ROCK1: variants seen among roughly 807,000 people sequenced by gnomAD.
The protein encoded by ROCK1 is Rho associated coiled-coil containing protein kinase 1, also known as rho-associated protein kinase 1.
In ROCK1, 36 loss-of-function variants were observed where a neutral mutation model predicts 196.8. That is an observed-to-expected ratio of 0.18 (90% CI 0.14 to 0.24). The LOEUF (loss-of-function observed/expected upper bound fraction) is 0.24. Among genes scored for constraint, ROCK1 ranks in the 10% least tolerant of loss-of-function variants. The probability of loss-of-function intolerance (pLI) is 1.00; values close to 1 mark genes in which losing one functional copy is unlikely to be tolerated. For missense variants in ROCK1, 920 were observed against 1,562.0 expected (o/e 0.59, Z 6.93); for synonymous variants, 443 against 515.9 (o/e 0.86, Z 1.91).
chr18:21,047,386 T>C (rs2036169321), intron 4 of ROCK1, among the ~76,000 whole-genome samples: 1 of 152,056 alleles, frequency 6.6e-6, no homozygotes, highest in African/African-American at 2.4e-5. Flanking sequence ...ACTGAAATAA[T>C]ATAAAGGATA....
At chr18:21,040,809 A>G (rs2036099137) in intron 8 of ROCK1, among the ~76,000 whole-genome samples, 1 of 152,196 alleles carries the variant, frequency 6.6e-6, no homozygotes, top group Non-Finnish European at 1.5e-5. Context: ...AATAAACAGC[A>G]TAATACAATG....
chr18:21,103,606 G>A (rs1020646909), intron 1 of ROCK1, among the ~76,000 whole-genome samples: 1 of 151,862 alleles, frequency 6.6e-6, no homozygotes, highest in African/African-American at 2.4e-5. Context: ...CTACACCCAG[G>A]TAATATTTTT....
intron 2 of ROCK1, among the ~76,000 whole-genome samples, chr18:21,056,434 T>C (rs2036245640): frequency 6.6e-6 from 1 of 152,186 alleles, no homozygotes; most frequent in South Asian, 2.1e-4. Context: ...CCTTTTTTTC[T>C]TACACTCCAC....
At chr18:20,958,157 G>C (rs2035264818) in intron 29 of ROCK1, among the ~76,000 whole-genome samples, 1 of 152,074 alleles carries the variant, frequency 6.6e-6, no homozygotes, top group Non-Finnish European at 1.5e-5. Context: ...TTTCATACTA[G>C]TGTTTATGTA....
At chr18:20,990,105 G>GA (rs1238484014) in intron 18 of ROCK1, among the ~76,000 whole-genome samples, 3 of 151,360 alleles carry the variant, frequency 2.0e-5, no homozygotes, top group Admixed American at 2.0e-4. Flanking sequence ...TTTAAAAATT[G>GA]AAAAAAAATT....
intron 2 of ROCK1, among the ~76,000 whole-genome samples, chr18:21,056,857 C>T (rs1218354362): frequency 1.3e-5 from 2 of 152,146 alleles, no homozygotes; most frequent in East Asian, 3.8e-4. Flanking sequence ...CACTCTCCTC[C>T]CTTCAGGCCT....
chr18:21,110,795 CAA>C (rs373944875), intron 1 of ROCK1, 21 bp downstream of exon 1: 6 of 1,598,078 alleles, frequency 3.8e-6, no homozygotes, highest in East Asian at 2.2e-5. Flanking sequence ...CCCAGACAAG[CAA>C]AAGAGAACAG....
At chr18:21,034,541 G>A (rs2036040133) in intron 9 of ROCK1, among the ~76,000 whole-genome samples, 1 of 152,176 alleles carries the variant, frequency 6.6e-6, no homozygotes. Context: ...AACTTTCAAT[G>A]CAGGGAAAGG....
At chr18:21,081,378 T>C (rs559689353) in intron 1 of ROCK1, among the ~76,000 whole-genome samples, 3 of 152,084 alleles carry the variant, frequency 2.0e-5, no homozygotes, top group African/African-American at 7.2e-5. Context: ...AAGGAGGAAA[T>C]TTATAGCTAT....
chr18:20,975,194 G>A lies in ROCK1; in HGVS notation c.2655-4681C>T. Among the ~76,000 whole-genome samples, 2 of 152,204 alleles carry A rather than the reference G, an allele frequency of 1.3e-5. 1 individual carries two copies. Among genetic ancestry groups the A allele is most frequent in the Non-Finnish European group, 2.9e-5 (2 of 68,032 alleles). On this transcript the variant is annotated intron_variant, in intron 22 of 32. Coordinates refer to ENST00000399799, the MANE Select transcript of ROCK1 (RefSeq NM_005406.3). ...TGCAGAGAAAAATAAAATAGGGAAG[G>A]ATGAACTGGGCACCACGGTAGTGGG... is the stretch of plus-strand genomic sequence containing the variant.
Position 20,955,308 on chromosome 18 carries a change from A to G in ROCK1, c.3513-63T>C. The G allele has an allele frequency of 1.3e-5, 18 of 1,422,446 alleles. No individual in the cohort carries two copies. The South Asian group carries it at 1.4e-4, about 11-fold the overall frequency. The allele number at this position is 1,422,446 out of a possible 1,614,324, so 88.1% of individuals were successfully genotyped here. ...CATTTATTGTAAAAGACATTTCACT[A>G]AAGAGGACATATGGGTGATAAATAA... On this transcript the variant is annotated intron_variant, in intron 29 of 32. Transcript: ENST00000399799.
chr18:20,989,507 A>C (rs1332072333), intron 18 of ROCK1, among the ~76,000 whole-genome samples: 1 of 152,086 alleles, frequency 6.6e-6, no homozygotes, highest in East Asian at 1.9e-4. Context: ...ATATTTTTTA[A>C]TTTTTTTCTA....
intron 20 of ROCK1, among the ~76,000 whole-genome samples, chr18:20,984,095 G>A (rs113488222): frequency 8.5e-5 from 13 of 152,164 alleles, no homozygotes; most frequent in African/African-American, 2.7e-4. Flanking sequence ...ACAAGGCACC[G>A]TGATTTTTGT....
chr18:20,956,503 T>A (rs1341623489), intron 29 of ROCK1, among the ~76,000 whole-genome samples: 1 of 152,198 alleles, frequency 6.6e-6, no homozygotes, highest in African/African-American at 2.4e-5. Flanking sequence ...CTCTGTGGAA[T>A]TGATCCCAAA....
At chr18:21,056,515 T>A (rs946153207) in intron 2 of ROCK1, among the ~76,000 whole-genome samples, 1 of 152,154 alleles carries the variant, frequency 6.6e-6, no homozygotes, top group Admixed American at 6.5e-5. Context: ...CTTCTCACCC[T>A]CTACATTGCT....
Position 21,110,798 on chromosome 18 carries a change from A to G in ROCK1, c.93+20T>C, listed in dbSNP as rs2036744283. The G allele has an allele frequency of 6.2e-7, 1 of 1,602,600 alleles. No homozygotes were observed. Among genetic ancestry groups the G allele is most frequent in the Non-Finnish European group, 8.5e-7 (1 of 1,169,698 alleles). ...GACATGCAAAACCCCAGACAAGCAA[A>G]AGAGAACAGCGCTACTCACCAGCAA... On this transcript the variant is annotated intron_variant, in intron 1 of 32. Transcript: ENST00000399799.
intron 4 of ROCK1, among the ~76,000 whole-genome samples, chr18:21,047,389 A>G (rs2036169340): frequency 6.6e-6 from 1 of 152,194 alleles, no homozygotes; most frequent in Non-Finnish European, 1.5e-5. Flanking sequence ...GAAATAATAT[A>G]AAGGATAGCC....
At chr18:21,093,851 G>A (rs911475863) in intron 1 of ROCK1, among the ~76,000 whole-genome samples, 2 of 152,048 alleles carry the variant, frequency 1.3e-5, no homozygotes, top group Admixed American at 1.3e-4. Flanking sequence ...AGCTACTCGG[G>A]AGGCTGAGGC....
At chr18:20,984,606 C>T (rs2035561653) in intron 19 of ROCK1, 71 bp from the exon 20 acceptor site, 2 of 1,133,818 alleles carry the variant, frequency 1.8e-6, no homozygotes, top group African/African-American at 1.6e-5. Context: ...TGAAAGACTA[C>T]TAACCAAATC....
Sources: gnomAD v4.1 joint callset for allele counts (sites outside exome capture counted in the v4.1 genomes callset) on GRCh38, gnomAD v4.1.1 for gene constraint, MANE v1.5 for transcripts, NCBI Gene and HGNC (gene_info 2026-07-23, HGNC 2026-07-21) for gene names.